EPHA7: variants seen among roughly 807,000 people sequenced by gnomAD.
The protein encoded by EPHA7 is ephrin type-A receptor 7.
A neutral mutation model predicts 112.6 loss-of-function variants in EPHA7; 25 were observed. The ratio of observed to expected loss-of-function variants is 0.22; its 90% confidence interval spans 0.16 to 0.31. EPHA7 has a LOEUF of 0.31. Ranked by LOEUF, EPHA7 falls within the 10% of genes least tolerant of loss-of-function variation. EPHA7 has a pLI of 1.00. For synonymous variants in EPHA7, 437 were observed against 406.5 expected, an observed-to-expected ratio of 1.07 and a Z score of -0.90; for missense variants, 962 against 1,212.6, an observed-to-expected ratio of 0.79 and a Z score of 3.07.
intron 5 of EPHA7, among the ~76,000 whole-genome samples, chr6:93,331,108 T>C (rs1287902013): frequency 1.3e-5 from 2 of 151,440 alleles, no homozygotes; most frequent in African/African-American, 2.4e-5. Flanking sequence ...AGATGCCAAA[T>C]TGTAAAATTA....
chr6:93,287,874 C>G (rs958935660), intron 5 of EPHA7, among the ~76,000 whole-genome samples: 22 of 152,096 alleles, frequency 1.4e-4, no homozygotes, highest in African/African-American at 4.8e-4. Context: ...ATTAAACCTA[C>G]AGTAAGATAT....
intron 3 of EPHA7, among the ~76,000 whole-genome samples, chr6:93,379,783 TATA>T (rs769174452): frequency 7.9e-5 from 12 of 152,008 alleles, no homozygotes; most frequent in Non-Finnish European, 1.6e-4. Flanking sequence ...TCATTCTAAA[TATA>T]ATAACTAAAG....
intron 5 of EPHA7, among the ~76,000 whole-genome samples, chr6:93,299,020 C>T (rs1043814404): frequency 4.6e-5 from 7 of 152,048 alleles, no homozygotes; most frequent in Admixed American, 1.3e-4. Flanking sequence ...ATACATATGG[C>T]CAACAAGCTT....
intron 5 of EPHA7, among the ~76,000 whole-genome samples, chr6:93,355,410 T>C (rs1775897911): frequency 6.6e-6 from 1 of 152,146 alleles, no homozygotes; most frequent in Admixed American, 6.5e-5. Context: ...TTGGTTAAAA[T>C]TAGCATGGAA....
intron 3 of EPHA7, among the ~76,000 whole-genome samples, chr6:93,400,048 T>A (rs1423298298): frequency 6.6e-6 from 1 of 151,908 alleles, no homozygotes; most frequent in African/African-American, 2.4e-5. Context: ...CATATCTGAG[T>A]GGGTGAGGGG....
intron 5 of EPHA7, among the ~76,000 whole-genome samples, chr6:93,279,959 A>T (rs1174750287): frequency 6.6e-6 from 1 of 152,276 alleles, no homozygotes; most frequent in South Asian, 2.1e-4. Flanking sequence ...CCCAAAAGGT[A>T]TGATTACTAT....
Position 93,240,260 on chromosome 6 carries a change from A to G in EPHA7, c.*3166T>C, listed in dbSNP as rs1769635004. On this transcript the variant is annotated 3_prime_UTR_variant, in exon 17 of 17. Coordinates refer to ENST00000369303, the MANE Select transcript of EPHA7 (RefSeq NM_004440.4). The stretch of plus-strand genomic sequence containing the variant: ...TGATTTCTCCACATATAGCAAAAAA[A>G]TACACATCAGTAATTTATTTGAACA... The G allele has an allele frequency of 4.4e-6, 1 of 225,528 alleles. No individual in the cohort carries two copies. The allele number at this position is 225,528 out of a possible 1,614,324, so 14.0% of individuals were successfully genotyped here. A position where few individuals can be genotyped will look rare whatever the true frequency, so the allele number is the denominator to read the frequency against.
chr6:93,392,086 T>C (rs1232002807), intron 3 of EPHA7, among the ~76,000 whole-genome samples: 3 of 151,938 alleles, frequency 2.0e-5, no homozygotes, highest in East Asian at 3.9e-4. Flanking sequence ...ATAACGCAAT[T>C]TTTACACCCA....
chr6:93,382,999 A>C (rs1444422275), intron 3 of EPHA7, among the ~76,000 whole-genome samples: 2 of 152,128 alleles, frequency 1.3e-5, no homozygotes, highest in Non-Finnish European at 2.9e-5. Flanking sequence ...CCAATCAACA[A>C]GTCTTTATCC....
At position 93,241,140 on chromosome 6, in the gene EPHA7, A is replaced by G. The variant is rs1160925458; in HGVS notation, c.*2286T>C. Reference sequence around the variant, plus strand: ...AAATCTAGTGCTAGAAAAAAGCAGGAAAGACACCGTTTGCATGTACCATAC... The same window carrying G: ...AAATCTAGTGCTAGAAAAAAGCAGGGAAGACACCGTTTGCATGTACCATAC... On this transcript the variant is annotated 3_prime_UTR_variant, in exon 17 of 17. Transcript: ENST00000369303. The G allele has an allele frequency of 2.4e-5, 5 of 206,756 alleles. No individual in the cohort carries two copies. In the East Asian group the frequency reaches 3.7e-4, roughly 15 times the overall value. The allele number at this position is 206,756 out of a possible 1,614,324, so 12.8% of individuals were successfully genotyped here. A position where few individuals can be genotyped will look rare whatever the true frequency, so the allele number is the denominator to read the frequency against.
At chr6:93,276,360 T>C (rs199769635) in intron 5 of EPHA7, among the ~76,000 whole-genome samples, 4 of 152,134 alleles carry the variant, frequency 2.6e-5, no homozygotes, top group Non-Finnish European at 4.4e-5. Context: ...CTGGCCCTGA[T>C]TGACCAGTAC....
chr6:93,264,923 C>T (rs745658169), intron 7 of EPHA7, among the ~76,000 whole-genome samples: 16 of 151,558 alleles, frequency 1.1e-4, no homozygotes, highest in Non-Finnish European at 1.8e-4. Context: ...TACAAAAGAA[C>T]GTATAAATGC....
intron 14 of EPHA7, among the ~76,000 whole-genome samples, chr6:93,250,751 G>A (rs577788777): frequency 1.3e-5 from 2 of 152,144 alleles, no homozygotes; most frequent in South Asian, 4.1e-4. Flanking sequence ...GAAATTACTA[G>A]AAACTCCTTG....
intron 3 of EPHA7, among the ~76,000 whole-genome samples, chr6:93,393,596 G>C (rs2127982877): frequency 6.6e-6 from 1 of 151,896 alleles, no homozygotes; most frequent in Non-Finnish European, 1.5e-5. Flanking sequence ...TATTGGGCTA[G>C]GACTGAACTA....
At chr6:93,335,878 C>A (rs1374009887) in intron 5 of EPHA7, among the ~76,000 whole-genome samples, 1 of 151,994 alleles carries the variant, frequency 6.6e-6, no homozygotes, top group Admixed American at 6.6e-5. Flanking sequence ...GTGAAATTAT[C>A]TAATTCATTT....
intron 3 of EPHA7, among the ~76,000 whole-genome samples, chr6:93,369,670 T>C (rs982307809): frequency 4.6e-5 from 7 of 152,310 alleles, no homozygotes; most frequent in African/African-American, 1.4e-4. Flanking sequence ...TCTTTATGCA[T>C]GTGTCCTCTA....
At chr6:93,396,561 A>G (rs1778182265) in intron 3 of EPHA7, among the ~76,000 whole-genome samples, 1 of 151,950 alleles carries the variant, frequency 6.6e-6, no homozygotes, top group Admixed American at 6.6e-5. Context: ...TGAATGTTAA[A>G]GAGATTACAT....
rs1770436798 is a variant in EPHA7, at chr6:93,256,268, T to C, written c.2173-231A>G. Among the ~76,000 whole-genome samples, 5 of 152,152 alleles carry C rather than the reference T, an allele frequency of 3.3e-5. No individual in the cohort carries two copies. The South Asian group carries it at 1.0e-3, about 32-fold the overall frequency. ...TTTATACTAATTTGATATTTTAAAATGAACTAATAACAGTTTGAGTTTGCA... is the reference window on the plus strand; with the variant it reads ...TTTATACTAATTTGATATTTTAAAACGAACTAATAACAGTTTGAGTTTGCA... On this transcript the variant is annotated intron_variant, in intron 12 of 16. Transcript: ENST00000369303.
intron 5 of EPHA7, among the ~76,000 whole-genome samples, chr6:93,299,388 A>G (rs999972158): frequency 6.6e-6 from 1 of 151,784 alleles, no homozygotes; most frequent in Non-Finnish European, 1.5e-5. Context: ...AAAAAGCTCA[A>G]TATCACTGAT....
Sources: gnomAD v4.1 joint callset for allele counts (sites outside exome capture counted in the v4.1 genomes callset) on GRCh38, gnomAD v4.1.1 for gene constraint, MANE v1.5 for transcripts, NCBI Gene and HGNC (gene_info 2026-07-23, HGNC 2026-07-21) for gene names.